Variants in PTCH1 observed in about 807,000 individuals in gnomAD.
PTCH1 encodes patched 1, also known as protein patched homolog 1.
PTCH1 carries 14 observed loss-of-function variants against 144.6 expected under a neutral mutation model. The observed-to-expected ratio is 0.10, with a 90% CI of 0.06 to 0.15. The LOEUF (loss-of-function observed/expected upper bound fraction) is 0.15, where lower values mean the gene tolerates loss of function less well. Ranked by LOEUF, PTCH1 falls within the 10% of genes least tolerant of loss-of-function variation. PTCH1 has a pLI of 1.00. For missense variants in PTCH1, 1,623 were observed against 1,948.3 expected, an observed-to-expected ratio of 0.83 and a Z score of 3.14; for synonymous variants, 833 against 793.6, an observed-to-expected ratio of 1.05 and a Z score of -0.83.
chr9:95,447,025 C>A lies in PTCH1; in HGVS notation c.4231G>T (p.Asp1411Tyr), dbSNP rs759892989. The A allele has an allele frequency of 6.2e-7, 1 of 1,614,212 alleles. No individual in the cohort carries two copies. Among genetic ancestry groups the A allele is most frequent in the Admixed American group, 1.7e-5 (1 of 60,022 alleles). Residue 1411 changes from aspartate to tyrosine, a missense_variant, in exon 23 of 24, where the codon GAC (aspartate) becomes TAC (tyrosine). Physicochemically the swap from Asp to Tyr is radical, Grantham distance 160 (BLOSUM62 -3). Coordinates refer to ENST00000331920, the MANE Select transcript of PTCH1 (RefSeq NM_000264.5). The part of the protein sequence containing the change: ...YPETDHGLFE[D>Y]PHVPFHVRCE... ...CGGACGTGGAAAGGCACGTGGGGGT[C>A]CTCAAACAGGCCGTGGTCAGTCTCA...
At chr9:95,473,186 G>T (rs1427950113) in intron 12 of PTCH1, among the ~76,000 whole-genome samples, 1 of 152,182 alleles carries the variant, frequency 6.6e-6, no homozygotes, top group Non-Finnish European at 1.5e-5. Context: ...TAGGCAGATG[G>T]ATAAAGGCTG....
At chr9:95,507,936 C>G (rs564211337) in intron 1 of PTCH1, 2 of 1,445,016 alleles carry the variant, frequency 1.4e-6, no homozygotes, top group African/African-American at 2.8e-5. Flanking sequence ...ACACACACCT[C>G]CACCCCCTGC....
Position 95,446,988 on chromosome 9 carries a change from C to A in PTCH1, c.4268G>T (p.Arg1423Met), listed in dbSNP as rs1213795569. ...CTCAATGACTTCCACCTTCGAATCCCTCCTCTCACACCGGACGTGGAAAGG... is the reference window on the plus strand; with the variant it reads ...CTCAATGACTTCCACCTTCGAATCCATCCTCTCACACCGGACGTGGAAAGG... The part of the protein sequence containing the change: ...HVPFHVRCER[R>M]DSKVEVIELQ... Residue 1423 changes from arginine to methionine, a missense_variant, in exon 23 of 24, where the codon AGG becomes ATG. Arg to Met is a moderately conservative substitution (Grantham distance 91). Transcript: ENST00000331920. 1 of 1,614,112 alleles carries A rather than the reference C, an allele frequency of 6.2e-7. No homozygotes were observed. The highest frequency in any genetic ancestry group is 8.5e-7 in the Non-Finnish European group (1 of 1,180,050).
intron 13 of PTCH1, 32 bp from the exon 14 acceptor site, chr9:95,469,185 T>C (rs2118066122): frequency 6.2e-7 from 1 of 1,613,514 alleles, no homozygotes; most frequent in Non-Finnish European, 8.5e-7. Flanking sequence ...TGCAATGTTA[T>C]GCTGAAACAG....
rs576931094 is a variant in PTCH1 at position 95,506,289 on chromosome 9, T to G, written c.394+118A>C. 27 of 1,187,984 alleles carry G rather than the reference T, an allele frequency of 2.3e-5. 1 individual carries two copies. Among genetic ancestry groups the G allele is most frequent in the Non-Finnish European group, 2.6e-5 (22 of 856,592 alleles). 73.6% of individuals were successfully genotyped at this position (1,187,984 alleles called of 1,614,324 possible). On this transcript the variant is annotated intron_variant, in intron 2 of 23. Transcript: ENST00000331920. ...CCCAAACAATAAACAATCCCCCGGGTGCGGGCAGGGGGTTTCGCCGGCCGC... is the reference window on the plus strand; with the variant it reads ...CCCAAACAATAAACAATCCCCCGGGGGCGGGCAGGGGGTTTCGCCGGCCGC...
chr9:95,501,001 A>G (rs936921945), intron 2 of PTCH1, among the ~76,000 whole-genome samples: 1 of 152,180 alleles, frequency 6.6e-6, no homozygotes, highest in East Asian at 1.9e-4. Context: ...TAAGAAAAAT[A>G]GTTATCTGGG....
chr9:95,466,921 T>C (rs748534334), intron 15 of PTCH1, among the ~76,000 whole-genome samples, 195 bp downstream of exon 15: 4 of 152,232 alleles, frequency 2.6e-5, no homozygotes, highest in Admixed American at 6.5e-5. Flanking sequence ...ATCTGCATCA[T>C]TTTATAGGTA....
At chr9:95,510,018 A>C (rs919663846), upstream of PTCH1, among the ~76,000 whole-genome samples, 3 of 149,300 alleles carry the variant, frequency 2.0e-5, no homozygotes, top group South Asian at 6.4e-4. Context: ...AAAAAAAAAC[A>C]CAGTCTTGGT....
At chr9:95,484,195 C>G (rs908265686) in intron 3 of PTCH1, 5 of 152,216 alleles carry the variant, frequency 3.3e-5, no homozygotes, top group African/African-American at 1.2e-4. Flanking sequence ...CCCAGGACAA[C>G]CTGGCTCCCC....
At chr9:95,481,845 A>T in intron 5 of PTCH1, 104 bp downstream of exon 5, 1 of 1,089,800 alleles carries the variant, frequency 9.2e-7, no homozygotes, top group Non-Finnish European at 1.4e-6. Flanking sequence ...CAATGTTTTT[A>T]TTTCTTGTTC....
At chr9:95,510,140 CAG>C (rs1055557351), upstream of PTCH1, among the ~76,000 whole-genome samples, 20 of 151,310 alleles carry the variant, frequency 1.3e-4, no homozygotes, top group African/African-American at 2.4e-4. Context: ...AGAGAAACAA[CAG>C]AATCTTTTTT....
intron 2 of PTCH1, among the ~76,000 whole-genome samples, chr9:95,486,807 G>T (rs1395984800): frequency 6.6e-6 from 1 of 152,188 alleles, no homozygotes; most frequent in East Asian, 1.9e-4. Flanking sequence ...GCCAAGCTCC[G>T]AATGCTGCAC....
intron 6 of PTCH1, 140 bp from the exon 7 acceptor site, chr9:95,480,230 T>C: frequency 6.5e-7 from 1 of 1,528,840 alleles, no homozygotes. Context: ...TGGCAAATCT[T>C]ACAGCAAAAT....
intron 16 of PTCH1, among the ~76,000 whole-genome samples, chr9:95,461,432 C>T (rs1343001737): frequency 6.6e-6 from 1 of 152,184 alleles, no homozygotes; most frequent in Non-Finnish European, 1.5e-5. Flanking sequence ...CACCCACCTA[C>T]CCCAAATTCT....
At chr9:95,504,517 C>T (rs1042339292) in intron 2 of PTCH1, among the ~76,000 whole-genome samples, 1 of 152,232 alleles carries the variant, frequency 6.6e-6, no homozygotes, top group Admixed American at 6.5e-5. Context: ...GCAACAAATA[C>T]AGGTTGGATC....
chr9:95,477,854 C>A, intron 9 of PTCH1, 152 bp from the exon 10 acceptor site: 1 of 1,449,644 alleles, frequency 6.9e-7, no homozygotes, highest in Non-Finnish European at 9.4e-7. Flanking sequence ...CATAAAATGA[C>A]AGGAGTCAAA....
chr9:95,482,024 T>A lies in PTCH1; in HGVS notation c.671A>T (p.Tyr224Phe), dbSNP rs747205016. The A allele has an allele frequency of 4.3e-6, 7 of 1,613,780 alleles. No individual in the cohort carries two copies. The highest frequency in any genetic ancestry group is 4.2e-6 in the Non-Finnish European group (5 of 1,179,720). ...GYMDQIIEYL[Y>F]PCLIITPLDC... The stretch of plus-strand genomic sequence containing the variant: ...CAAAGGTGTAATAATCAAACAAGGG[T>A]AAAGATATTCTATTATCTGTCAAAG... The change falls in exon 5 of 24, where the codon TAC becomes TTC. Residue 224 changes from tyrosine (Y) to phenylalanine (F), a missense_variant. Physicochemically the swap from Tyr to Phe is conservative, Grantham distance 22 (BLOSUM62 3). Around this residue, in one of 7 missense-constraint regions of PTCH1, gnomAD observed 39 missense variants for 75.6 expected, o/e 0.52. Coordinates refer to ENST00000331920, the MANE Select transcript of PTCH1 (RefSeq NM_000264.5).
intron 1 of PTCH1, 74 bp downstream of exon 1, chr9:95,508,081 GTGTGTT>G: frequency 6.3e-7 from 1 of 1,593,998 alleles, no homozygotes; most frequent in Non-Finnish European, 8.5e-7. Flanking sequence ...AAGAGAGTGT[GTGTGTT>G]TGTGTGTGGC....
intron 7 of PTCH1, 58 bp downstream of exon 7, chr9:95,479,911 G>A (rs2118383421): frequency 6.2e-7 from 1 of 1,613,126 alleles, no homozygotes; most frequent in Non-Finnish European, 8.5e-7. Flanking sequence ...GAGGGAAGTG[G>A]CTTTTGAGGA....
Sources: gnomAD v4.1 joint callset for allele counts (sites outside exome capture counted in the v4.1 genomes callset) on GRCh38, gnomAD v4.1.1 for gene constraint, gnomAD v4.1.1 regional missense constraint, MANE v1.5 for transcripts, NCBI Gene and HGNC (gene_info 2026-07-23, HGNC 2026-07-21) for gene names.